The following SPON1 variants were observed in gnomAD, a reference collection of about 807,000 sequenced individuals.
SPON1 encodes spondin 1.
Under a neutral mutation model 111.7 loss-of-function variants are expected in SPON1, and 52 were observed. The observed-to-expected ratio is 0.47, with a 90% confidence interval of 0.37 to 0.59. The LOEUF (loss-of-function observed/expected upper bound fraction) is 0.59, where lower values mean the gene tolerates loss of function less well. Among genes scored for constraint, SPON1 ranks in the 20% least tolerant of loss-of-function variants. The pLI, the probability that SPON1 is intolerant of heterozygous loss-of-function variation, is 0.00. For synonymous variants in SPON1, 410 were observed against 395.8 expected (o/e 1.04, Z -0.43); for missense variants, 957 against 1,068.5 (o/e 0.90, Z 1.46).
At chr11:14,005,108 T>A (rs1220614657) in intron 2 of SPON1, among the ~76,000 whole-genome samples, 1 of 152,224 alleles carries the variant, frequency 6.6e-6, no homozygotes, top group Non-Finnish European at 1.5e-5. Flanking sequence ...TTTATTTTTG[T>A]AGCATGAACT....
chr11:14,180,590 A>G (rs532808540), intron 6 of SPON1, among the ~76,000 whole-genome samples: 2 of 152,272 alleles, frequency 1.3e-5, no homozygotes, highest in East Asian at 3.9e-4. Flanking sequence ...TGTGACTTCT[A>G]TCGCACCCTG....
intron 2 of SPON1, among the ~76,000 whole-genome samples, chr11:14,017,843 T>G (rs1848454345): frequency 1.3e-5 from 2 of 152,230 alleles, no homozygotes; most frequent in South Asian, 4.1e-4. Context: ...TGCATTCTGA[T>G]AATGGATGCA....
chr11:14,148,293 G>A (rs1326699161), intron 6 of SPON1, among the ~76,000 whole-genome samples: 5 of 152,090 alleles, frequency 3.3e-5, no homozygotes, highest in Admixed American at 2.0e-4. Context: ...CTAAAGATGT[G>A]TACTTACGTC....
intron 1 of SPON1, among the ~76,000 whole-genome samples, chr11:13,972,976 G>C (rs551751603): frequency 1.3e-5 from 2 of 151,808 alleles, no homozygotes; most frequent in African/African-American, 4.8e-5. Flanking sequence ...TCCCTCCTTC[G>C]CTCTATCTTT....
intron 7 of SPON1, among the ~76,000 whole-genome samples, chr11:14,252,903 G>A (rs1849067111): frequency 6.6e-6 from 1 of 152,252 alleles, no homozygotes; most frequent in Admixed American, 6.5e-5. Flanking sequence ...AATATAGGGT[G>A]GGGCTCAAGA....
At chr11:14,236,977 C>T (rs1591422300) in intron 6 of SPON1, among the ~76,000 whole-genome samples, 1 of 152,222 alleles carries the variant, frequency 6.6e-6, no homozygotes, top group East Asian at 1.9e-4. Flanking sequence ...CAGAGAGCAG[C>T]AGTGCAGACC....
intron 1 of SPON1, among the ~76,000 whole-genome samples, chr11:13,965,343 G>A (rs919785519): frequency 2.0e-5 from 3 of 152,198 alleles, no homozygotes; most frequent in African/African-American, 7.2e-5. Flanking sequence ...AGACTAGTCT[G>A]AGGTTCAGGC....
At chr11:14,109,074 A>G (rs1182533196) in intron 5 of SPON1, among the ~76,000 whole-genome samples, 1 of 152,116 alleles carries the variant, frequency 6.6e-6, no homozygotes, top group African/African-American at 2.4e-5. Flanking sequence ...AGCCTAAACC[A>G]TCACTTCTTT....
intron 5 of SPON1, among the ~76,000 whole-genome samples, chr11:14,132,847 T>C (rs1454442936): frequency 6.6e-6 from 1 of 152,244 alleles, no homozygotes. Context: ...ACTATAATTA[T>C]TGACTGTCTA....
In SPON1 at chr11:14,262,671, T is replaced by C. The variant is rs1849200078; in HGVS notation, c.1997-41T>C. 8 of 1,611,254 alleles carry C rather than the reference T, an allele frequency of 5.0e-6. No homozygotes were observed. In the East Asian group the frequency reaches 1.8e-4, roughly 36 times the overall value. ...AAGGAGAGCGTGACCATATCTTGTT[T>C]CAGACATGTGATACACTCATGCCCA... On this transcript the variant is annotated intron_variant, in intron 14 of 15. Coordinates refer to ENST00000576479, the MANE Select transcript of SPON1 (RefSeq NM_006108.4).
chr11:14,263,569 AAAT>A (rs1320596577), intron 15 of SPON1, among the ~76,000 whole-genome samples: 6 of 152,102 alleles, frequency 3.9e-5, no homozygotes, highest in Admixed American at 3.9e-4. Context: ...TTATTTCCCC[AAAT>A]AATATTGATC....
chr11:14,092,339 C>T (rs1048570397), intron 5 of SPON1, among the ~76,000 whole-genome samples: 1 of 152,172 alleles, frequency 6.6e-6, no homozygotes, highest in African/African-American at 2.4e-5. Context: ...ACCTTCTAGA[C>T]CCCCTGAAAG....
chr11:14,076,121 TAG>T lies in SPON1; in HGVS notation c.553+705_553+706del, dbSNP rs746611144. Reference sequence around the variant, plus strand: ...CACATAGTAAATGCTGTCTATAGAATAGATAGCTCTTGTTATCTATATCTGAA... The same window carrying T: ...CACATAGTAAATGCTGTCTATAGAATATAGCTCTTGTTATCTATATCTGAA... On this transcript the variant is annotated intron_variant, in intron 4 of 15. Coordinates refer to ENST00000576479, the MANE Select transcript of SPON1 (RefSeq NM_006108.4). Among the ~76,000 whole-genome samples the T allele has an allele frequency of 6.1e-4, 93 of 152,202 alleles. 1 individual carries two copies. The highest frequency in any genetic ancestry group is 1.4e-3 in the Admixed American group (22 of 15,282).
chr11:14,226,292 C>T (rs1332742432), intron 6 of SPON1, among the ~76,000 whole-genome samples: 1 of 152,208 alleles, frequency 6.6e-6, no homozygotes, highest in Admixed American at 6.5e-5. Flanking sequence ...TCTTTACCCA[C>T]CATGGGGTTA....
intron 5 of SPON1, among the ~76,000 whole-genome samples, chr11:14,090,899 T>C (rs1191565232): frequency 1.4e-5 from 2 of 139,332 alleles, no homozygotes; most frequent in Non-Finnish European, 3.0e-5. Context: ...AGGGCGCTGA[T>C]TGGTGCATTT....
At chr11:14,017,000 G>A (rs1022222060) in intron 2 of SPON1, among the ~76,000 whole-genome samples, 1 of 152,136 alleles carries the variant, frequency 6.6e-6, no homozygotes, top group Admixed American at 6.5e-5. Context: ...CTTTTCAGGT[G>A]CCCAGAGATT....
intron 2 of SPON1, among the ~76,000 whole-genome samples, chr11:14,005,661 A>T (rs1345978231): frequency 6.6e-6 from 1 of 152,252 alleles, no homozygotes; most frequent in Non-Finnish European, 1.5e-5. Flanking sequence ...CTGAAAAACA[A>T]ATAATAAAGA....
chr11:14,046,564 T>C (rs74351268), intron 3 of SPON1, among the ~76,000 whole-genome samples: 3 of 152,232 alleles, frequency 2.0e-5, no homozygotes, highest in African/African-American at 7.2e-5. Flanking sequence ...GTCTGGTCTG[T>C]TCTGTTGATC....
intron 2 of SPON1, among the ~76,000 whole-genome samples, chr11:14,032,986 A>G (rs1434884777): frequency 5.3e-5 from 8 of 152,144 alleles, no homozygotes; most frequent in Non-Finnish European, 1.2e-4. Flanking sequence ...CTGATAGGAA[A>G]CTTTGGTCGT....
Sources: allele counts gnomAD v4.1 joint callset (sites outside exome capture counted in the v4.1 genomes callset), GRCh38; gene constraint gnomAD v4.1.1; transcripts MANE v1.5; gene names NCBI Gene and HGNC (gene_info 2026-07-23, HGNC 2026-07-21).